UBE2W: variants seen among roughly 807,000 people sequenced by gnomAD.
The protein encoded by UBE2W is ubiquitin-conjugating enzyme E2 W.
A neutral mutation model predicts 27.2 loss-of-function variants in UBE2W; 18 were observed. The observed-to-expected ratio is 0.66, with a 90% CI of 0.46 to 0.98. The LOEUF (loss-of-function observed/expected upper bound fraction) is 0.98, where lower values mean the gene tolerates loss of function less well. Among genes scored for constraint, UBE2W ranks in the 50% least tolerant of loss-of-function variants. The pLI is 0.00. For missense variants in UBE2W, 90 were observed against 180.2 expected, an observed-to-expected ratio of 0.50 and a Z score of 2.87; for synonymous variants, 53 against 57.2, an observed-to-expected ratio of 0.93 and a Z score of 0.33.
At chr8:73,782,033 C>T (rs1229244344), downstream of UBE2W, among the ~76,000 whole-genome samples, 10 of 147,630 alleles carry the variant, frequency 6.8e-5, no homozygotes, top group Non-Finnish European at 1.5e-4. Context: ...TTCCACCTCC[C>T]GGGTTCAAGC....
At chr8:73,837,421 G>C (rs1810354851) in intron 1 of UBE2W, among the ~76,000 whole-genome samples, 1 of 152,098 alleles carries the variant, frequency 6.6e-6, no homozygotes, top group Non-Finnish European at 1.5e-5. Flanking sequence ...GCTGAGGCAG[G>C]AGAAATGTTT....
intron 1 of UBE2W, among the ~76,000 whole-genome samples, chr8:73,839,885 C>T (rs1007260884): frequency 6.6e-6 from 1 of 151,742 alleles, no homozygotes; most frequent in Admixed American, 6.6e-5. Flanking sequence ...GCATGCATCA[C>T]CACACCTGGC....
chr8:73,813,083 C>CAAAAAAAAAAAAAAAAAAAAAAAAAAAA (rs56094830), intron 3 of UBE2W, among the ~76,000 whole-genome samples: 1 of 43,430 alleles, frequency 2.3e-5, no homozygotes, highest in Non-Finnish European at 4.1e-5. Context: ...GAAAGTGCCA[C>CAAAAAAAAAAAAAAAAAAAAAAAAAAAA]AAAAAAAAAA....
At chr8:73,810,331 T>C in intron 4 of UBE2W, 143 bp downstream of exon 4, 1 of 861,938 alleles carries the variant, frequency 1.2e-6, no homozygotes, top group Non-Finnish European at 1.7e-6. Context: ...CTTTCCAATT[T>C]ATTACTAAAC....
chr8:73,828,998 G>A (rs572057956), intron 2 of UBE2W, among the ~76,000 whole-genome samples: 1 of 151,956 alleles, frequency 6.6e-6, no homozygotes, highest in African/African-American at 2.4e-5. Flanking sequence ...TTATAGCCTA[G>A]AAGATGGCAC....
chr8:73,811,105 G>A (rs553651598), intron 3 of UBE2W, among the ~76,000 whole-genome samples: 68 of 152,212 alleles, frequency 4.5e-4, no homozygotes, highest in African/African-American at 1.4e-3. Flanking sequence ...CATGTGCAAA[G>A]GGAAATGACT....
At chr8:73,869,132 A>G (rs781550571) in intron 1 of UBE2W, among the ~76,000 whole-genome samples, 1 of 152,242 alleles carries the variant, frequency 6.6e-6, no homozygotes, top group Non-Finnish European at 1.5e-5. Flanking sequence ...GATGAACCTC[A>G]GAAACATTAT....
chr8:73,813,126 A>C (rs1394337351), intron 3 of UBE2W, among the ~76,000 whole-genome samples: 1 of 147,038 alleles, frequency 6.8e-6, no homozygotes, highest in East Asian at 2.0e-4. Flanking sequence ...CTGCCAAATT[A>C]TCTTCTTTGG....
intron 3 of UBE2W, among the ~76,000 whole-genome samples, chr8:73,818,739 T>G (rs575799217): frequency 6.6e-6 from 1 of 152,160 alleles, no homozygotes; most frequent in South Asian, 2.1e-4. Context: ...AGTGAATGAG[T>G]TCTCTTGAGA....
intron 4 of UBE2W, among the ~76,000 whole-genome samples, chr8:73,809,917 G>C (rs1208241080): frequency 6.6e-6 from 1 of 151,396 alleles, no homozygotes; most frequent in African/African-American, 2.4e-5. Flanking sequence ...TTTTCTTTTT[G>C]TTTTTTTTCC....
In UBE2W at chr8:73,810,553, G is replaced by T. The variant is rs189371662; in HGVS notation, c.287C>A (p.Thr96Lys). Residue 96 changes from threonine (T) to lysine (K), a missense_variant, in exon 4 of 6, where the codon ACA (threonine) becomes AAA (lysine). Physicochemically the swap from Thr to Lys is moderately conservative, Grantham distance 78. Coordinates refer to ENST00000602593, the MANE Select transcript of UBE2W (RefSeq NM_018299.6). ...TGAGAGCGCTGGGGACCAGTCTTCT[G>T]TTAGAATGGATAAACAGATATGACC... ...SNGHICLSIL[T>K]EDWSPALSVQ... The T allele has an allele frequency of 6.2e-7, 1 of 1,612,874 alleles. No individual in the cohort carries two copies. The highest frequency in any genetic ancestry group is 8.5e-7 in the Non-Finnish European group (1 of 1,179,504).
chr8:73,810,102 G>A (rs1414568912), intron 4 of UBE2W, among the ~76,000 whole-genome samples: 1 of 152,058 alleles, frequency 6.6e-6, no homozygotes, highest in Non-Finnish European at 1.5e-5. Context: ...GCTGGCAGAG[G>A]GGAGAAGGAA....
At chr8:73,841,279 A>T (rs1810524137) in intron 1 of UBE2W, among the ~76,000 whole-genome samples, 1 of 152,192 alleles carries the variant, frequency 6.6e-6, no homozygotes, top group South Asian at 2.1e-4. Context: ...GAGGCAATGT[A>T]TTAAATTTAC....
chr8:73,824,154 T>C (rs1003260700), intron 3 of UBE2W, among the ~76,000 whole-genome samples: 2 of 152,232 alleles, frequency 1.3e-5, no homozygotes, highest in African/African-American at 4.8e-5. Context: ...TAAGTAATTA[T>C]AGTAACTCAT....
At chr8:73,842,843 T>C (rs1353758846) in intron 1 of UBE2W, among the ~76,000 whole-genome samples, 1 of 152,076 alleles carries the variant, frequency 6.6e-6, no homozygotes, top group Non-Finnish European at 1.5e-5. Flanking sequence ...AAAAAATAAC[T>C]CAATGGATGA....
At chr8:73,868,875 G>A (rs531585287) in intron 1 of UBE2W, among the ~76,000 whole-genome samples, 1 of 152,170 alleles carries the variant, frequency 6.6e-6, no homozygotes, top group South Asian at 2.1e-4. Flanking sequence ...TACATGCAAG[G>A]TATATTAACA....
At chr8:73,817,109 A>G (rs1240933065) in intron 3 of UBE2W, among the ~76,000 whole-genome samples, 1 of 150,552 alleles carries the variant, frequency 6.6e-6, no homozygotes, top group Non-Finnish European at 1.5e-5. Flanking sequence ...GCAGATCACA[A>G]GGTCAGGAGT....
intron 5 of UBE2W, among the ~76,000 whole-genome samples, chr8:73,799,666 CAGGA>C (rs775836437): frequency 5.9e-5 from 9 of 152,180 alleles, no homozygotes; most frequent in Non-Finnish European, 1.3e-4. Flanking sequence ...CCAAGTATGT[CAGGA>C]AGCACCACAC....
At chr8:73,869,584 G>C in intron 1 of UBE2W, among the ~76,000 whole-genome samples, 1 of 152,112 alleles carries the variant, frequency 6.6e-6, no homozygotes, top group Admixed American at 6.6e-5. Flanking sequence ...CCAGCTACTC[G>C]GGAGGCTGAA....
Sources: gnomAD v4.1 joint callset for allele counts (sites outside exome capture counted in the v4.1 genomes callset) on GRCh38, gnomAD v4.1.1 for gene constraint, MANE v1.5 for transcripts, NCBI Gene and HGNC (gene_info 2026-07-23, HGNC 2026-07-21) for gene names.